Variants in GALNT13 observed in about 807,000 individuals in gnomAD.
The protein encoded by GALNT13 is polypeptide N-acetylgalactosaminyltransferase 13.
GALNT13 carries 28 observed loss-of-function variants against 64.2 expected under a neutral mutation model. The ratio of observed to expected loss-of-function variants is 0.44; its 90% CI spans 0.32 to 0.60. GALNT13 has a LOEUF of 0.60. Among genes scored for constraint, GALNT13 ranks in the 20% least tolerant of loss-of-function variants. The pLI is 0.05. For synonymous variants in GALNT13, 214 were observed against 224.6 expected, an observed-to-expected ratio of 0.95 and a Z score of 0.42; for missense variants, 577 against 669.8, an observed-to-expected ratio of 0.86 and a Z score of 1.53.
the GALNT13 span, among the ~76,000 whole-genome samples, chr2:153,403,609 G>T: frequency 6.6e-6 from 1 of 152,212 alleles, no homozygotes; most frequent in Non-Finnish European, 1.5e-5. Context: ...CTCCGAGCCA[G>T]GTGCAGGATA....
At chr2:153,716,553 C>A in the GALNT13 span, among the ~76,000 whole-genome samples, 1 of 152,016 alleles carries the variant, frequency 6.6e-6, no homozygotes, top group Non-Finnish European at 1.5e-5. Flanking sequence ...TTCAGAAAAA[C>A]CTCTATGAGT....
chr2:153,681,736 A>C, the GALNT13 span, among the ~76,000 whole-genome samples: 1 of 151,700 alleles, frequency 6.6e-6, no homozygotes, highest in East Asian at 1.9e-4. Flanking sequence ...TTTTATCAGC[A>C]TTATTTTCCC....
chr2:154,367,410 C>G (rs546158712), intron 9 of GALNT13, among the ~76,000 whole-genome samples: 1 of 152,300 alleles, frequency 6.6e-6, no homozygotes, highest in South Asian at 2.1e-4. Context: ...CCATTAGTTA[C>G]ATAGAGCAGG....
intron 8 of GALNT13, among the ~76,000 whole-genome samples, chr2:154,263,946 T>C (rs1186650515): frequency 1.3e-5 from 2 of 152,156 alleles, no homozygotes; most frequent in Non-Finnish European, 2.9e-5. Flanking sequence ...AGCCTTACAA[T>C]TGCCTCGGCT....
At chr2:153,226,518 T>C in the GALNT13 span, among the ~76,000 whole-genome samples, 4 of 152,172 alleles carry the variant, frequency 2.6e-5, no homozygotes, top group Admixed American at 6.5e-5. Context: ...CTTCTTGATA[T>C]AATGTAATGA....
At chr2:153,176,327 G>T in the GALNT13 span, among the ~76,000 whole-genome samples, 1 of 152,122 alleles carries the variant, frequency 6.6e-6, no homozygotes, top group Non-Finnish European at 1.5e-5. Context: ...TATACACATT[G>T]TCTAGCATAC....
chr2:153,449,469 A>G, the GALNT13 span, among the ~76,000 whole-genome samples: 2 of 152,106 alleles, frequency 1.3e-5, no homozygotes, highest in African/African-American at 4.8e-5. Context: ...GCTCCCACAC[A>G]GTGGAAAGCG....
the GALNT13 span, among the ~76,000 whole-genome samples, chr2:153,664,791 C>G: frequency 6.6e-6 from 1 of 152,142 alleles, no homozygotes; most frequent in African/African-American, 2.4e-5. Context: ...TCCCTGACTT[C>G]CCGCAACAAT....
At chr2:153,266,428 T>TAAGG in the GALNT13 span, among the ~76,000 whole-genome samples, 908 of 152,312 alleles carry the variant, frequency 6.0e-3, 10 homozygotes, top group African/African-American at 0.021. Context: ...CACACTGCTA[T>TAAGG]AAGGATACTG....
chr2:154,022,960 T>A (rs1449494292), intron 3 of GALNT13, among the ~76,000 whole-genome samples: 2 of 152,140 alleles, frequency 1.3e-5, no homozygotes, highest in Non-Finnish European at 1.5e-5. Context: ...TTTACCCAGT[T>A]GTCATTCAGG....
At chr2:153,456,711 G>A in the GALNT13 span, among the ~76,000 whole-genome samples, 642 of 152,078 alleles carry the variant, frequency 4.2e-3, 6 homozygotes, top group African/African-American at 0.014. Context: ...TATTCCTATC[G>A]TGCAAATGAA....
intron 3 of GALNT13, among the ~76,000 whole-genome samples, chr2:154,081,428 AATCAC>A (rs1377742051): frequency 6.6e-6 from 1 of 151,570 alleles, no homozygotes; most frequent in African/African-American, 2.4e-5. Flanking sequence ...CTTAACAAAC[AATCAC>A]ATCACTGCTC....
chr2:154,017,036 C>T (rs1023914592), intron 3 of GALNT13, among the ~76,000 whole-genome samples: 3 of 151,830 alleles, frequency 2.0e-5, no homozygotes, highest in African/African-American at 7.3e-5. Flanking sequence ...TTTTTTTCCT[C>T]TGGAAGATTA....
intron 3 of GALNT13, among the ~76,000 whole-genome samples, chr2:154,095,267 A>T (rs1467269993): frequency 1.3e-5 from 2 of 151,828 alleles, no homozygotes; most frequent in Admixed American, 6.6e-5. Context: ...TTTGAGTATC[A>T]TTCGGTCTCA....
chr2:153,318,609 T>G, the GALNT13 span, among the ~76,000 whole-genome samples: 9 of 152,186 alleles, frequency 5.9e-5, no homozygotes, highest in African/African-American at 2.2e-4. Flanking sequence ...TGGATGACAT[T>G]GTTTTAGCCT....
At chr2:154,259,441 A>G (rs1013883607) in intron 8 of GALNT13, among the ~76,000 whole-genome samples, 7 of 152,322 alleles carry the variant, frequency 4.6e-5, no homozygotes, top group African/African-American at 1.7e-4. Context: ...GTGTTGCTCT[A>G]TAAAATCACT....
At chr2:153,512,980 A>G in the GALNT13 span, among the ~76,000 whole-genome samples, 3 of 152,170 alleles carry the variant, frequency 2.0e-5, no homozygotes, top group Admixed American at 1.3e-4. Flanking sequence ...TTATTTGCTA[A>G]TTTAAAAAAA....
the GALNT13 span, among the ~76,000 whole-genome samples, chr2:153,145,983 G>C: frequency 6.6e-6 from 1 of 151,736 alleles, no homozygotes; most frequent in Non-Finnish European, 1.5e-5. Context: ...GGTGTATTTA[G>C]CTTCATGTCT....
At chr2:153,629,267 C>T in the GALNT13 span, among the ~76,000 whole-genome samples, 1 of 151,314 alleles carries the variant, frequency 6.6e-6, no homozygotes, top group African/African-American at 2.4e-5. Flanking sequence ...GCTACAGTAA[C>T]CAAAACAGCA....
Sources: allele counts gnomAD v4.1 joint callset (sites outside exome capture counted in the v4.1 genomes callset), GRCh38; gene constraint gnomAD v4.1.1; transcripts MANE v1.5; gene names NCBI Gene and HGNC (gene_info 2026-07-23, HGNC 2026-07-21).